Variants in ADAMTS19 observed in about 807,000 individuals in gnomAD.
ADAMTS19 encodes ADAM metallopeptidase with thrombospondin type 1 motif 19.
A neutral mutation model predicts 153.3 loss-of-function variants in ADAMTS19; 93 were observed. The ratio of observed to expected loss-of-function variants is 0.61; its 90% CI spans 0.51 to 0.72. The LOEUF is 0.72. Among genes scored for constraint, ADAMTS19 ranks in the 30% least tolerant of loss-of-function variants. ADAMTS19 has a pLI of 0.00. For synonymous variants in ADAMTS19, 600 were observed against 556.6 expected (o/e 1.08, Z -1.10); for missense variants, 1,482 against 1,552.1 (o/e 0.95, Z 0.76).
chr5:129,487,019 G>T (rs781065009), intron 2 of ADAMTS19, among the ~76,000 whole-genome samples: 56 of 152,048 alleles, frequency 3.7e-4, no homozygotes, highest in Non-Finnish European at 7.4e-5. Flanking sequence ...CCCCCTTCCT[G>T]TCAGGTTCAC....
intron 6 of ADAMTS19, among the ~76,000 whole-genome samples, chr5:129,541,803 G>A (rs778468651): frequency 6.6e-6 from 1 of 152,066 alleles, no homozygotes; most frequent in South Asian, 2.1e-4. Flanking sequence ...CTACACAACA[G>A]TAGAGGGAGC....
intron 18 of ADAMTS19, among the ~76,000 whole-genome samples, chr5:129,693,759 T>G (rs1310765415): frequency 1.3e-5 from 2 of 152,140 alleles, no homozygotes; most frequent in African/African-American, 4.8e-5. Context: ...ATTGTCATGT[T>G]TACATCCTAT....
rs190950369 is a variant in ADAMTS19, at chr5:129,669,090, A to G, written c.2506+3511A>G. ...AAAGTCCAGGAATATATATATGTGT[A>G]TATATATATATATTCAAATGATTTT... On this transcript the variant is annotated intron_variant, in intron 16 of 22. Coordinates refer to ENST00000274487, the MANE Select transcript of ADAMTS19 (RefSeq NM_133638.6). 4.5e-3 allele frequency among the ~76,000 whole-genome samples: 681 copies of G among 150,758 alleles called. 5 individuals carry two copies. The highest frequency in any genetic ancestry group is 0.02 in the East Asian group (104 of 5,130).
At chr5:129,532,295 C>T (rs941501573) in intron 6 of ADAMTS19, among the ~76,000 whole-genome samples, 4 of 151,902 alleles carry the variant, frequency 2.6e-5, no homozygotes, top group Admixed American at 1.3e-4. Context: ...TACACATATA[C>T]AAATACAAAA....
At chr5:129,638,087 C>CA (rs1561619219) in intron 10 of ADAMTS19, among the ~76,000 whole-genome samples, 1 of 152,098 alleles carries the variant, frequency 6.6e-6, no homozygotes, top group African/African-American at 2.4e-5. Flanking sequence ...ACCTGTGTCA[C>CA]AAATCTTCAT....
At chr5:129,657,421 T>A (rs1753594200) in intron 14 of ADAMTS19, among the ~76,000 whole-genome samples, 1 of 152,208 alleles carries the variant, frequency 6.6e-6, no homozygotes, top group Non-Finnish European at 1.5e-5. Context: ...CTGTTCCAAA[T>A]CCTTCTTAAT....
intron 13 of ADAMTS19, 45 bp from the exon 14 acceptor site, chr5:129,654,261 A>G (rs1400463357): frequency 1.3e-6 from 2 of 1,533,498 alleles, no homozygotes; most frequent in African/African-American, 2.8e-5. Flanking sequence ...AAAAATATTT[A>G]TGGGGTAACT....
At chr5:129,526,943 A>G (rs1752033771) in intron 4 of ADAMTS19, among the ~76,000 whole-genome samples, 1 of 151,918 alleles carries the variant, frequency 6.6e-6, no homozygotes, top group Non-Finnish European at 1.5e-5. Flanking sequence ...CAAAAGGACC[A>G]TAGGTTAATT....
chr5:129,641,386 G>A (rs1402282563), intron 10 of ADAMTS19, among the ~76,000 whole-genome samples: 1 of 152,140 alleles, frequency 6.6e-6, no homozygotes, highest in African/African-American at 2.4e-5. Context: ...TGTGTCAGGG[G>A]TCAAGACTAT....
intron 2 of ADAMTS19, among the ~76,000 whole-genome samples, chr5:129,470,995 A>G (rs150960101): frequency 0.011 from 1,675 of 147,894 alleles, 13 homozygotes; most frequent in Non-Finnish European, 0.016. Context: ...GTGAGGCTAC[A>G]TCATCAGCCA....
chr5:129,695,168 G>T (rs896612011), intron 19 of ADAMTS19, among the ~76,000 whole-genome samples: 1 of 152,062 alleles, frequency 6.6e-6, no homozygotes, highest in Admixed American at 6.6e-5. Context: ...ATAGCTGTTT[G>T]CTCCTGAATT....
At chr5:129,489,981 C>T (rs1750714762) in intron 2 of ADAMTS19, among the ~76,000 whole-genome samples, 1 of 152,146 alleles carries the variant, frequency 6.6e-6, no homozygotes, top group Non-Finnish European at 1.5e-5. Flanking sequence ...TTTCAAAATG[C>T]TACCTATTAG....
chr5:129,574,360 G>A (rs1044109647), intron 7 of ADAMTS19, among the ~76,000 whole-genome samples: 2 of 151,678 alleles, frequency 1.3e-5, no homozygotes, highest in Non-Finnish European at 2.9e-5. Flanking sequence ...GTGTTACATA[G>A]GTATACATGT....
At chr5:129,512,878 C>T (rs908880199) in intron 3 of ADAMTS19, among the ~76,000 whole-genome samples, 7 of 152,016 alleles carry the variant, frequency 4.6e-5, no homozygotes, top group African/African-American at 1.7e-4. Flanking sequence ...CTGTTTACCC[C>T]TGAATACAGG....
chr5:129,465,332 A>G (rs1170733482), intron 2 of ADAMTS19, among the ~76,000 whole-genome samples: 1 of 149,096 alleles, frequency 6.7e-6, no homozygotes, highest in Non-Finnish European at 1.5e-5. Flanking sequence ...TTCTAAAAAC[A>G]TGCTTATAAG....
chr5:129,720,952 C>A (rs1172125270), intron 21 of ADAMTS19, among the ~76,000 whole-genome samples: 1 of 152,142 alleles, frequency 6.6e-6, no homozygotes, highest in Non-Finnish European at 1.5e-5. Context: ...TTTTCAGTGA[C>A]AGAAAGATAA....
chr5:129,734,870 A>C, intron 21 of ADAMTS19, 62 bp from the exon 22 acceptor site: 9 of 1,392,560 alleles, frequency 6.5e-6, no homozygotes, highest in Non-Finnish European at 8.6e-6. Context: ...ACACCCTAGA[A>C]AATAATAACA....
At chr5:129,717,477 C>G (rs995106019) in intron 21 of ADAMTS19, among the ~76,000 whole-genome samples, 6 of 152,172 alleles carry the variant, frequency 3.9e-5, no homozygotes, top group African/African-American at 1.4e-4. Flanking sequence ...TCATACAACT[C>G]TCTTCACCTT....
intron 3 of ADAMTS19, among the ~76,000 whole-genome samples, chr5:129,512,144 C>T (rs1345404311): frequency 6.6e-6 from 1 of 151,898 alleles, no homozygotes; most frequent in East Asian, 1.9e-4. Flanking sequence ...TTAGTATAAA[C>T]GCATGAGTAT....
Sources: allele counts gnomAD v4.1 joint callset (sites outside exome capture counted in the v4.1 genomes callset), GRCh38; gene constraint gnomAD v4.1.1; transcripts MANE v1.5; gene names NCBI Gene and HGNC (gene_info 2026-07-23, HGNC 2026-07-21).